Variants in UBR3 observed in about 807,000 individuals in gnomAD.
UBR3 encodes ubiquitin protein ligase E3 component n-recognin 3.
UBR3 carries 85 observed loss-of-function variants against 243.2 expected under a neutral mutation model. The observed-to-expected ratio is 0.35, with a 90% CI of 0.29 to 0.42. The LOEUF (loss-of-function observed/expected upper bound fraction) is 0.42. Ranked by LOEUF, UBR3 falls within the 10% of genes least tolerant of loss-of-function variation. The probability of loss-of-function intolerance (pLI) is 1.00; values close to 1 mark genes in which losing one functional copy is unlikely to be tolerated. For synonymous variants in UBR3, 748 were observed against 799.8 expected (o/e 0.94, Z 1.09); for missense variants, 1,686 against 2,300.8 (o/e 0.73, Z 5.47).
intron 23 of UBR3, among the ~76,000 whole-genome samples, chr2:169,951,914 G>A (rs2087049913): frequency 6.6e-6 from 1 of 152,178 alleles, no homozygotes; most frequent in Admixed American, 6.5e-5. Context: ...CTTGAATAAT[G>A]TTCCTTTTAC....
intron 1 of UBR3, among the ~76,000 whole-genome samples, chr2:169,834,081 T>C (rs1365669184): frequency 6.6e-6 from 1 of 152,178 alleles, no homozygotes; most frequent in African/African-American, 2.4e-5. Context: ...AGCCACAGTG[T>C]GGTGCCTGGC....
Position 169,896,755 on chromosome 2 carries a change from A to G in UBR3, c.1465+20A>G. 6.7e-7 allele frequency: 1 copy of G among 1,499,222 alleles called. No individual in the cohort carries two copies. The highest frequency in any genetic ancestry group is 1.2e-5 in the South Asian group (1 of 80,848). 92.9% of individuals were successfully genotyped at this position (1,499,222 alleles called of 1,614,324 possible). ...TACAAGGTAACTCAGAATTATATTC[A>G]CTAGTTCTATTATTATCAGTATTAT... On this transcript the variant is annotated intron_variant, in intron 8 of 38. Coordinates refer to ENST00000272793, the MANE Select transcript of UBR3 (RefSeq NM_172070.4).
At chr2:170,065,453 G>C (rs961819832) in intron 35 of UBR3, among the ~76,000 whole-genome samples, 1 of 151,830 alleles carries the variant, frequency 6.6e-6, no homozygotes, top group African/African-American at 2.4e-5. Context: ...CACCCGACTA[G>C]TTTTTTTGTA....
intron 31 of UBR3, among the ~76,000 whole-genome samples, chr2:170,035,015 G>T (rs375561289): frequency 2.0e-5 from 3 of 151,624 alleles, no homozygotes; most frequent in Non-Finnish European, 4.4e-5. Flanking sequence ...TTTTAATTGG[G>T]TTTTTTTCCT....
At chr2:170,055,709 T>A in intron 33 of UBR3, 125 bp downstream of exon 33, 1 of 1,204,508 alleles carries the variant, frequency 8.3e-7, no homozygotes, top group Non-Finnish European at 1.1e-6. Flanking sequence ...ATTGAGCACC[T>A]ACAGGCTAAA....
chr2:170,052,360 G>A (rs1287562622), intron 32 of UBR3, among the ~76,000 whole-genome samples: 1 of 152,060 alleles, frequency 6.6e-6, no homozygotes, highest in Non-Finnish European at 1.5e-5. Flanking sequence ...ACATCCTAAG[G>A]AAGTAAAATC....
chr2:169,967,863 ATCT>A (rs1369255774), intron 24 of UBR3, among the ~76,000 whole-genome samples: 1 of 151,616 alleles, frequency 6.6e-6, no homozygotes, highest in Non-Finnish European at 1.5e-5. Context: ...ATATGAATAT[ATCT>A]TCTTATATAA....
intron 11 of UBR3, among the ~76,000 whole-genome samples, chr2:169,923,635 A>G (rs2085791928): frequency 1.3e-5 from 2 of 152,158 alleles, no homozygotes; most frequent in South Asian, 4.1e-4. Flanking sequence ...TTTAATAATA[A>G]TTATTTGCTT....
At chr2:170,001,930 AAAAAAAAAAAAAG>A (rs1431809496) in intron 27 of UBR3, among the ~76,000 whole-genome samples, 47 of 129,940 alleles carry the variant, frequency 3.6e-4, no homozygotes, top group African/African-American at 1.0e-3. Flanking sequence ...AAAAAAAAAA[AAAAAAAAAAAAAG>A]AAAGAAAAAT....
chr2:170,081,658 A>G (rs2091909369), intron 38 of UBR3, 68 bp from the exon 39 acceptor site: 8 of 1,227,826 alleles, frequency 6.5e-6, no homozygotes, highest in South Asian at 3.3e-5. Context: ...CAGAAAAAAA[A>G]GAAGAAAGAA....
intron 35 of UBR3, among the ~76,000 whole-genome samples, chr2:170,070,713 CAT>C (rs1457457573): frequency 1.3e-5 from 2 of 152,082 alleles, no homozygotes; most frequent in Admixed American, 6.6e-5. Context: ...AAATTAATAA[CAT>C]AATTCAAATT....
intron 24 of UBR3, 59 bp downstream of exon 24, chr2:169,958,585 T>C (rs2087421200): frequency 6.9e-7 from 1 of 1,445,330 alleles, no homozygotes. Context: ...TTAGGGATGA[T>C]GTAGTCCAGT....
intron 27 of UBR3, among the ~76,000 whole-genome samples, chr2:170,005,517 A>G (rs2089883084): frequency 1.3e-5 from 2 of 152,188 alleles, no homozygotes; most frequent in African/African-American, 4.8e-5. Context: ...GTGGTAGACA[A>G]TGGTGTGCAG....
At chr2:169,932,039 T>G (rs2086152252) in intron 18 of UBR3, among the ~76,000 whole-genome samples, 1 of 151,850 alleles carries the variant, frequency 6.6e-6, no homozygotes, top group Admixed American at 6.6e-5. Flanking sequence ...CAAAAAAGAC[T>G]TATAAAGTGG....
chr2:170,050,295 ATAAAAGG>A (rs754742489), intron 32 of UBR3, among the ~76,000 whole-genome samples: 6 of 152,218 alleles, frequency 3.9e-5, no homozygotes, highest in Non-Finnish European at 8.8e-5. Flanking sequence ...ACTCCAAATC[ATAAAAGG>A]TAAGACTGAG....
At chr2:169,942,450 T>A (rs1260765515) in intron 19 of UBR3, 43 bp from the exon 20 acceptor site, 1 of 1,507,912 alleles carries the variant, frequency 6.6e-7, no homozygotes, top group African/African-American at 1.4e-5. Context: ...ACAGTTTGAT[T>A]TTGAGGCTAT....
At chr2:169,942,461 C>T (rs1368159680) in intron 19 of UBR3, 32 bp from the exon 20 acceptor site, 16 of 1,518,378 alleles carry the variant, frequency 1.1e-5, no homozygotes, top group East Asian at 4.9e-5. Context: ...TTGAGGCTAT[C>T]ATCTAATTCT....
chr2:169,917,629 A>C (rs1193587807), intron 11 of UBR3, among the ~76,000 whole-genome samples: 3 of 152,240 alleles, frequency 2.0e-5, no homozygotes, highest in African/African-American at 7.2e-5. Flanking sequence ...ATGTTATCAA[A>C]AATTTAAATG....
intron 31 of UBR3, among the ~76,000 whole-genome samples, chr2:170,039,400 A>G (rs2090910142): frequency 1.3e-5 from 2 of 151,552 alleles, no homozygotes; most frequent in Admixed American, 6.6e-5. Flanking sequence ...TTTTTTTTAG[A>G]CCTTGGCCTT....
Sources: gnomAD v4.1 joint callset for allele counts (sites outside exome capture counted in the v4.1 genomes callset) on GRCh38, gnomAD v4.1.1 for gene constraint, MANE v1.5 for transcripts, NCBI Gene and HGNC (gene_info 2026-07-23, HGNC 2026-07-21) for gene names.